PLCG2: variants seen among roughly 807,000 people sequenced by gnomAD.
PLCG2 encodes the protein 1-phosphatidylinositol 4,5-bisphosphate phosphodiesterase gamma-2.
In PLCG2, 69 loss-of-function variants were observed where a neutral mutation model predicts 175.6. The observed-to-expected ratio is 0.39, with a 90% CI of 0.32 to 0.48. The LOEUF (loss-of-function observed/expected upper bound fraction) is 0.48, where lower values mean the gene tolerates loss of function less well. Among genes scored for constraint, PLCG2 ranks in the 20% least tolerant of loss-of-function variants. The pLI is 0.91. For missense variants in PLCG2, 1,798 were observed against 1,650.9 expected (o/e 1.09, Z -1.54); for synonymous variants, 827 against 624.0 (o/e 1.33, Z -4.85).
chr16:81,856,889 G>C (rs1413389086), intron 3 of PLCG2, among the ~76,000 whole-genome samples: 1 of 152,178 alleles, frequency 6.6e-6, no homozygotes, highest in Non-Finnish European at 1.5e-5. Flanking sequence ...CCCAGAGAAA[G>C]AGATGTGAGG....
chr16:81,778,063 ACCAAAAACAC>A (rs1567457917), upstream of PLCG2, among the ~76,000 whole-genome samples: 2 of 104,866 alleles, frequency 1.9e-5, no homozygotes, highest in African/African-American at 7.4e-5. Flanking sequence ...AACAAAAAAA[ACCAAAAACAC>A]ACACACACAA....
At chr16:81,739,340 T>C (rs975116050) in exon 1 of PLCG2, 5 of 150,672 alleles carry the variant, frequency 3.3e-5, no homozygotes, top group Admixed American at 6.6e-5. Context: ...CAGTGGCGGG[T>C]CTGCAGTCAC....
At chr16:81,781,413 G>GTT (rs71146046) in intron 1 of PLCG2, among the ~76,000 whole-genome samples, 2,638 of 150,230 alleles carry the variant, frequency 0.018, 65 homozygotes, top group African/African-American at 0.055. Context: ...GTTGTTTTCT[G>GTT]TTTTTTTTTC....
intron 2 of PLCG2, among the ~76,000 whole-genome samples, chr16:81,845,025 C>G (rs1202459034): frequency 1.3e-5 from 2 of 152,194 alleles, no homozygotes; most frequent in African/African-American, 4.8e-5. Flanking sequence ...AACTCCTGAG[C>G]TCAAGCAATT....
Position 81,907,709 on chromosome 16 carries a change from A to G in PLCG2, c.1492A>G (p.Ile498Val), listed in dbSNP as rs1449583985. Residue 498 changes from isoleucine (I) to valine (V), a missense_variant, in exon 16 of 33, where the codon ATT becomes GTT. Transcript: ENST00000564138. ...DQKWTRHYCA[I>V]ADAKLSFSDD... ...GAAATGGACTCGGCACTACTGCGCC[A>G]TTGCCGATGCCAAGCTGTCCTTCAG... 6.2e-6 allele frequency: 10 copies of G among 1,613,902 alleles called. No individual in the cohort carries two copies. The highest frequency in any genetic ancestry group is 2.2e-5 in the East Asian group (1 of 44,884).
intron 2 of PLCG2, among the ~76,000 whole-genome samples, chr16:81,808,278 C>G (rs939376895): frequency 6.6e-6 from 1 of 152,126 alleles, no homozygotes; most frequent in African/African-American, 2.4e-5. Context: ...TTTGCCAAGG[C>G]CTGTTGGCTG....
chr16:81,881,180 G>C (rs532064820), intron 8 of PLCG2, among the ~76,000 whole-genome samples: 190 of 152,340 alleles, frequency 1.2e-3, no homozygotes, highest in African/African-American at 4.3e-3. Flanking sequence ...AAGTTCTGTA[G>C]AAAAGCCTGT....
chr16:81,960,504 G>A lies in PLCG2; in HGVS notation c.*2506G>A, dbSNP rs961247763. The A allele has an allele frequency of 8.7e-6, 2 of 231,154 alleles. No individual in the cohort carries two copies. Among genetic ancestry groups the A allele is most frequent in the African/African-American group, 4.4e-5 (2 of 45,228 alleles). The allele number at this position is 231,154 out of a possible 1,614,324, so 14.3% of individuals were successfully genotyped here. A position where few individuals can be genotyped will look rare whatever the true frequency, so the allele number is the denominator to read the frequency against. On this transcript the variant is annotated 3_prime_UTR_variant, in exon 33 of 33. Transcript: ENST00000564138. ...CAAGGAAAAATAAAGTGGGGAGGCTGGTTAGGCCTTGTGAGTTTGGGAAAC... is the reference window on the plus strand; with the variant it reads ...CAAGGAAAAATAAAGTGGGGAGGCTAGTTAGGCCTTGTGAGTTTGGGAAAC...
rs988595873 is a variant in PLCG2 at position 81,889,238 on chromosome 16, C to T, written c.832C>T (p.Arg278Cys). The T allele has an allele frequency of 6.2e-6, 10 of 1,604,812 alleles. No individual in the cohort carries two copies. Among genetic ancestry groups the T allele is most frequent in the South Asian group, 2.2e-5 (2 of 89,370 alleles). ...RMTKFIDDTMRETAEPFLFVD... is the reference protein window; with the variant it reads ...RMTKFIDDTMCETAEPFLFVD... ...GACAAAGTTCATTGATGACACCATG[C>T]GTGAAACTGCTGAGCCTTTCTTGTT... Residue 278 changes from arginine to cysteine, a missense_variant, in exon 10 of 33, where the codon CGT (arginine) becomes TGT (cysteine). Transcript: ENST00000564138.
At chr16:81,935,537 A>C in intron 26 of PLCG2, 1 of 985,274 alleles carries the variant, frequency 1.0e-6, no homozygotes, top group Non-Finnish European at 1.2e-6. Context: ...TTCATCTTAG[A>C]ACAGAAGACC....
At chr16:81,807,174 T>A (rs1402695507) in intron 2 of PLCG2, among the ~76,000 whole-genome samples, 1 of 151,790 alleles carries the variant, frequency 6.6e-6, no homozygotes, top group Non-Finnish European at 1.5e-5. Flanking sequence ...TGGTGATTCA[T>A]GTGGTGATTT....
chr16:81,829,246 T>A (rs1437393200), intron 2 of PLCG2, among the ~76,000 whole-genome samples: 1 of 152,150 alleles, frequency 6.6e-6, no homozygotes, highest in Non-Finnish European at 1.5e-5. Context: ...GTAGCTGGGA[T>A]TACATGCACA....
chr16:81,815,578 C>G (rs1567478547), intron 2 of PLCG2, among the ~76,000 whole-genome samples: 1 of 152,190 alleles, frequency 6.6e-6, no homozygotes, highest in African/African-American at 2.4e-5. Context: ...CTGAAGTTCT[C>G]CTGGCCCTTT....
chr16:81,775,438 G>A (rs1910377813), upstream of PLCG2, among the ~76,000 whole-genome samples: 1 of 152,160 alleles, frequency 6.6e-6, no homozygotes, highest in Non-Finnish European at 1.5e-5. Context: ...CCAAGTTCAT[G>A]CTTTCACAGG....
chr16:81,843,401 A>G (rs1307360162), intron 2 of PLCG2, among the ~76,000 whole-genome samples: 1 of 152,196 alleles, frequency 6.6e-6, no homozygotes, highest in Non-Finnish European at 1.5e-5. Context: ...CATTCCTGAA[A>G]ACACACTGGA....
At chr16:81,777,070 C>T (rs1006759340), upstream of PLCG2, among the ~76,000 whole-genome samples, 1 of 152,188 alleles carries the variant, frequency 6.6e-6, no homozygotes, top group Non-Finnish European at 1.5e-5. Flanking sequence ...TTATCTCACA[C>T]ACAGTGGACA....
chr16:81,809,117 A>C (rs914669808), intron 2 of PLCG2, among the ~76,000 whole-genome samples: 1 of 152,098 alleles, frequency 6.6e-6, no homozygotes, highest in African/African-American at 2.4e-5. Context: ...GAGCATGGTG[A>C]CTTGGACTTG....
chr16:81,833,878 G>C (rs1905379372), intron 2 of PLCG2, among the ~76,000 whole-genome samples: 1 of 152,150 alleles, frequency 6.6e-6, no homozygotes, highest in South Asian at 2.1e-4. Context: ...GATTGCCTTT[G>C]GCGATGGGAG....
At position 81,818,016 on chromosome 16, in the gene PLCG2, A is replaced by G. The variant is rs114674757; in HGVS notation, c.193+31834A>G. ...GATTAGAGAGACCTGGTTGTCATCTACTCTCTGTTCCTTCCTTTCATGTGG... is the reference window on the plus strand; with the variant it reads ...GATTAGAGAGACCTGGTTGTCATCTGCTCTCTGTTCCTTCCTTTCATGTGG... On this transcript the variant is annotated intron_variant, in intron 2 of 32. Transcript: ENST00000564138. 6.1e-3 allele frequency among the ~76,000 whole-genome samples: 919 copies of G among 151,842 alleles called. 8 individuals are homozygous for G. The highest frequency in any genetic ancestry group is 0.022 in the African/African-American group (892 of 41,386).
Sources: gnomAD v4.1 joint callset for allele counts (sites outside exome capture counted in the v4.1 genomes callset) on GRCh38, gnomAD v4.1.1 for gene constraint, MANE v1.5 for transcripts, NCBI Gene and HGNC (gene_info 2026-07-23, HGNC 2026-07-21) for gene names.